The following MCU variants were observed in gnomAD, a reference collection of about 807,000 sequenced individuals.
MCU encodes calcium uniporter protein, mitochondrial.
In MCU, 12 loss-of-function variants were observed where a neutral mutation model predicts 45.2. The observed-to-expected ratio is 0.27, with a 90% confidence interval of 0.17 to 0.43. MCU has a LOEUF of 0.43. Among genes scored for constraint, MCU ranks in the 20% least tolerant of loss-of-function variants. The pLI is 1.00. For synonymous variants in MCU, 160 were observed against 165.1 expected (o/e 0.97, Z 0.24); for missense variants, 324 against 436.7 (o/e 0.74, Z 2.30).
chr10:72,852,039 A>G (rs1193098137), intron 2 of MCU, among the ~76,000 whole-genome samples: 3 of 152,106 alleles, frequency 2.0e-5, no homozygotes, highest in Non-Finnish European at 4.4e-5. Context: ...CACAGATTCT[A>G]TCTCGTATTT....
At chr10:72,858,997 CT>C (rs1022039153) in intron 2 of MCU, among the ~76,000 whole-genome samples, 179 bp from the exon 3 acceptor site, 2 of 152,254 alleles carry the variant, frequency 1.3e-5, no homozygotes, top group South Asian at 2.1e-4. Context: ...TCCATTTGAT[CT>C]TTTATAAGCC....
intron 4 of MCU, among the ~76,000 whole-genome samples, chr10:72,864,963 A>G (rs1475568336): frequency 1.3e-5 from 2 of 152,218 alleles, no homozygotes; most frequent in African/African-American, 4.8e-5. Flanking sequence ...TGTTGGTAAC[A>G]TTCTGAAAGT....
rs76110060 is a variant in MCU, at chr10:72,744,231, C to CTTT, written c.150+51944_150+51946dup. ...TTCATTTTTCAGGTATCCAAAGATG[C>CTTT]TTTTTTTTTTTTTTTTAAAGATTTT... On this transcript the variant is annotated intron_variant, in intron 1 of 7. Coordinates refer to ENST00000373053, the MANE Select transcript of MCU (RefSeq NM_138357.3). Among the ~76,000 whole-genome samples, 186 of 109,550 alleles carry CTTT rather than the reference C, an allele frequency of 1.7e-3. 3 individuals are homozygous for CTTT. Among genetic ancestry groups the CTTT allele is most frequent in the African/African-American group, 5.6e-3 (168 of 29,908 alleles). The allele number at this position is 109,550 out of a possible 152,430, so 71.9% of individuals were successfully genotyped here.
Position 72,774,853 on chromosome 10 carries a change from A to T in MCU, c.151-59506A>T, listed in dbSNP as rs144753728. ...AATTCAGCAAGAAGATATACCAATT[A>T]TATTATAAATGTCTATGTACCCAAT... On this transcript the variant is annotated intron_variant, in intron 1 of 7. Transcript: ENST00000373053. Among the ~76,000 whole-genome samples the T allele has an allele frequency of 7.0e-4, 107 of 152,314 alleles. 2 individuals carry two copies. The East Asian group carries it at 0.012, about 17-fold the overall frequency.
intron 1 of MCU, among the ~76,000 whole-genome samples, chr10:72,720,858 T>C (rs1270025743): frequency 6.6e-6 from 1 of 152,174 alleles, no homozygotes; most frequent in African/African-American, 2.4e-5. Context: ...CATCTAAGAC[T>C]CCTGGTTATT....
In MCU at chr10:72,839,676, G is replaced by A. The variant is rs1391490503; in HGVS notation, c.220+5248G>A. Among the ~76,000 whole-genome samples, 6 of 151,814 alleles carry A rather than the reference G, an allele frequency of 4.0e-5. No individual in the cohort carries two copies. In the South Asian group the frequency reaches 8.4e-4, roughly 21 times the overall value. On this transcript the variant is annotated intron_variant, in intron 2 of 7. Transcript: ENST00000373053. ...ACTATTAAAAATAATGCTGGTGGCC[G>A]GGCACAGTGGCTCACACCTGTAATC...
rs751918414 is a variant in MCU, at chr10:72,810,461, C to CTTT, written c.151-23875_151-23873dup. On this transcript the variant is annotated intron_variant, in intron 1 of 7. Transcript: ENST00000373053. ...ACATCAGTTAAGACAATTATGTTGC[C>CTTT]TTTTTTTTTTTTTTTTTTTTTTTTT... Among the ~76,000 whole-genome samples, 181 of 73,402 alleles carry CTTT rather than the reference C, an allele frequency of 2.5e-3. 5 individuals are homozygous for CTTT. The highest frequency in any genetic ancestry group is 6.5e-3 in the African/African-American group (113 of 17,472). The allele number at this position is 73,402 out of a possible 152,430, so 48.2% of individuals were successfully genotyped here.
At chr10:72,858,013 G>A (rs139726088) in intron 2 of MCU, among the ~76,000 whole-genome samples, 6 of 152,246 alleles carry the variant, frequency 3.9e-5, no homozygotes, top group East Asian at 3.9e-4. Context: ...ACTGAAGAAT[G>A]GCGAGGTTCA....
intron 1 of MCU, among the ~76,000 whole-genome samples, chr10:72,812,498 CAA>C (rs2132803447): frequency 6.6e-6 from 1 of 152,142 alleles, no homozygotes; most frequent in Non-Finnish European, 1.5e-5. Context: ...GTGGGCAGAG[CAA>C]AAGAGTACAA....
At chr10:72,755,839 ATT>A (rs57441750) in intron 1 of MCU, among the ~76,000 whole-genome samples, 5 of 134,480 alleles carry the variant, frequency 3.7e-5, no homozygotes, top group African/African-American at 5.5e-5. Context: ...AATTGAAACC[ATT>A]TTTTTTTTTT....
chr10:72,703,789 C>T (rs1409622975), intron 1 of MCU, among the ~76,000 whole-genome samples: 1 of 151,938 alleles, frequency 6.6e-6, no homozygotes, highest in African/African-American at 2.4e-5. Flanking sequence ...CCAGCTACTC[C>T]AGAGGCTGAG....
intron 1 of MCU, among the ~76,000 whole-genome samples, chr10:72,770,114 T>A (rs1050745571): frequency 1.3e-5 from 2 of 152,208 alleles, no homozygotes; most frequent in Admixed American, 1.3e-4. Flanking sequence ...TTACCAAATT[T>A]ACTTCTGTCA....
intron 1 of MCU, among the ~76,000 whole-genome samples, chr10:72,743,207 G>C (rs1176012519): frequency 6.6e-6 from 1 of 151,828 alleles, no homozygotes; most frequent in Non-Finnish European, 1.5e-5. Context: ...TCAGGAGTTT[G>C]AGACCAGCCT....
intron 1 of MCU, among the ~76,000 whole-genome samples, chr10:72,800,271 G>GTA (rs1844318800): frequency 6.6e-6 from 1 of 152,198 alleles, no homozygotes; most frequent in Admixed American, 6.5e-5. Flanking sequence ...ATGGTTCAGT[G>GTA]TATAGACTTT....
chr10:72,701,029 G>A (rs372333832), intron 1 of MCU, among the ~76,000 whole-genome samples: 3 of 152,030 alleles, frequency 2.0e-5, no homozygotes, highest in Admixed American at 1.3e-4. Flanking sequence ...CTTCTTTTTT[G>A]TCTGCTGAGA....
chr10:72,880,940 C>A (rs1845692081), intron 6 of MCU, among the ~76,000 whole-genome samples: 1 of 152,094 alleles, frequency 6.6e-6, no homozygotes, highest in African/African-American at 2.4e-5. Context: ...CCAGCCTGGA[C>A]AACATAGTGA....
At chr10:72,817,165 C>A (rs1844640448) in intron 1 of MCU, among the ~76,000 whole-genome samples, 1 of 152,104 alleles carries the variant, frequency 6.6e-6, no homozygotes, top group Admixed American at 6.5e-5. Context: ...AAGCAAATAC[C>A]CTATATCTAT....
At chr10:72,864,709 C>T (rs893854038) in intron 4 of MCU, among the ~76,000 whole-genome samples, 31 of 152,182 alleles carry the variant, frequency 2.0e-4, no homozygotes, top group African/African-American at 7.2e-4. Context: ...CCAACACCCC[C>T]GCCACATTGT....
At chr10:72,873,832 T>C (rs1845582676) in intron 6 of MCU, among the ~76,000 whole-genome samples, 1 of 152,222 alleles carries the variant, frequency 6.6e-6, no homozygotes, top group Non-Finnish European at 1.5e-5. Context: ...TATCTAGTTT[T>C]CCCAGCATCA....
Sources: allele counts gnomAD v4.1 joint callset (sites outside exome capture counted in the v4.1 genomes callset), GRCh38; gene constraint gnomAD v4.1.1; transcripts MANE v1.5; gene names NCBI Gene and HGNC (gene_info 2026-07-23, HGNC 2026-07-21).